PIWIL3: variants seen among roughly 807,000 people sequenced by gnomAD.
The protein encoded by PIWIL3 is piwi like RNA-mediated gene silencing 3, also known as piwi-like protein 3.
A neutral mutation model predicts 109.7 loss-of-function variants in PIWIL3; 101 were observed. The observed-to-expected ratio is 0.92, with a 90% confidence interval of 0.78 to 1.09. PIWIL3 has a LOEUF of 1.09. PIWIL3 is among the 50% of genes least tolerant of loss of function. PIWIL3 has a pLI of 0.00. For synonymous variants in PIWIL3, 373 were observed against 376.4 expected, an observed-to-expected ratio of 0.99 and a Z score of 0.10; for missense variants, 1,031 against 1,072.6, an observed-to-expected ratio of 0.96 and a Z score of 0.54.
At chr22:24,752,404 T>A (rs562858525) in intron 8 of PIWIL3, among the ~76,000 whole-genome samples, 12 of 152,268 alleles carry the variant, frequency 7.9e-5, no homozygotes, top group African/African-American at 2.9e-4. Flanking sequence ...CACATCTGCA[T>A]AATGAAAGAT....
intron 12 of PIWIL3, among the ~76,000 whole-genome samples, chr22:24,742,151 C>CAAAA (rs61071998): frequency 0.015 from 1,451 of 94,472 alleles, 20 homozygotes; most frequent in African/African-American, 0.025. Flanking sequence ...ACAATAGCTG[C>CAAAA]AAAAAAAAAA....
chr22:24,719,834 TATA>T lies in PIWIL3; in HGVS notation c.2416_2418del (p.Tyr806del). On this transcript the variant is annotated inframe_deletion, in exon 20 of 21. Coordinates refer to ENST00000616349, the MANE Select transcript of PIWIL3 (RefSeq NM_001255975.1). ...AAGCCAATCGTGTCATAGATGACGT[TATA>T]ATGAGTGGGGGTAACAGTCCCATCT... is the stretch of plus-strand genomic sequence containing the variant. 6.2e-7 allele frequency: 1 copy of T among 1,611,228 alleles called. No individual in the cohort carries two copies. Among genetic ancestry groups the T allele is most frequent in the Non-Finnish European group, 8.5e-7 (1 of 1,177,350 alleles).
chr22:24,762,324 A>C (rs1925484848), intron 2 of PIWIL3, 74 bp downstream of exon 2: 10 of 1,531,860 alleles, frequency 6.5e-6, no homozygotes, highest in Non-Finnish European at 8.8e-6. Flanking sequence ...AGCTTCGCTC[A>C]ACAACCAACT....
chr22:24,748,497 C>T (rs997312129), intron 12 of PIWIL3, among the ~76,000 whole-genome samples: 3 of 152,188 alleles, frequency 2.0e-5, no homozygotes, highest in Non-Finnish European at 2.9e-5. Context: ...TGTGATTATG[C>T]ACTGCATGCC....
At chr22:24,758,239 T>C (rs1272879755) in intron 3 of PIWIL3, among the ~76,000 whole-genome samples, 200 bp from the exon 4 acceptor site, 1 of 152,214 alleles carries the variant, frequency 6.6e-6, no homozygotes, top group Non-Finnish European at 1.5e-5. Flanking sequence ...ACATCCGTGG[T>C]TGCCTTGGCA....
In PIWIL3 at chr22:24,728,340, C is replaced by T. The variant is rs556427337; in HGVS notation, c.1742G>A (p.Arg581Lys). 70 of 1,614,124 alleles carry T rather than the reference C, an allele frequency of 4.3e-5. No individual in the cohort carries two copies. The highest frequency in any genetic ancestry group is 4.2e-5 in the Non-Finnish European group (50 of 1,180,030). The change falls in exon 15 of 21, where the codon AGA becomes AAA. Residue 581 changes from arginine (R) to lysine (K), a missense_variant. Arg to Lys is a conservative substitution (Grantham distance 26). Transcript: ENST00000616349. ...ICILPNDDKR[R>K]YDSIKRYLCT... ...TAGGTATCTTTTTATGCTGTCATAT[C>T]TACGTTTGTCATCATTGGGCAGGAT...
rs1923514400 is a variant in PIWIL3, at chr22:24,734,134, T to G, written c.1657A>C (p.Asn553His). The change falls in exon 14 of 21, where the codon AAC (asparagine) becomes CAC (histidine). Residue 553 changes from asparagine to histidine, a missense_variant. Asn to His is a moderately conservative substitution (Grantham distance 68). Coordinates refer to ENST00000616349, the MANE Select transcript of PIWIL3 (RefSeq NM_001255975.1). Reference sequence around the variant, plus strand: ...TTCCGTAATGTGTCTATATAGGAGTTAGCATCACCATCTACTTCAATCCTA... The same window carrying G: ...TTCCGTAATGTGTCTATATAGGAGTGAGCATCACCATCTACTTCAATCCTA... ...AEMIEVDGDA[N>H]SYIDTLRKYT... The G allele has an allele frequency of 6.2e-7, 1 of 1,612,696 alleles. No homozygotes were observed. The highest frequency in any genetic ancestry group is 1.3e-5 in the African/African-American group (1 of 74,898).
intron 16 of PIWIL3, 92 bp from the exon 17 acceptor site, chr22:24,725,607 A>G (rs1022375121): frequency 2.6e-5 from 32 of 1,217,238 alleles, no homozygotes; most frequent in Non-Finnish European, 3.7e-5. Flanking sequence ...TATTACTATC[A>G]GTAGTTAAGG....
rs367969762 is a variant in PIWIL3 at position 24,728,325 on chromosome 22, T to C, written c.1757A>G (p.Lys586Arg). 9 of 1,614,080 alleles carry C rather than the reference T, an allele frequency of 5.6e-6. No individual in the cohort carries two copies. In the African/African-American group the frequency reaches 1.2e-4, roughly 22 times the overall value. ...TGGGCATTTGGTACATAGGTATCTT[T>C]TTATGCTGTCATATCTACGTTTGTC... is the stretch of plus-strand genomic sequence containing the variant. ...NDDKRRYDSI[K>R]RYLCTKCPIP... is the part of the protein sequence containing the mutation. The change falls in exon 15 of 21, where the codon AAA becomes AGA. Residue 586 changes from lysine to arginine, a missense_variant. Lys to Arg is a conservative substitution (Grantham distance 26, BLOSUM62 2). Coordinates refer to ENST00000616349, the MANE Select transcript of PIWIL3 (RefSeq NM_001255975.1).
intron 12 of PIWIL3, among the ~76,000 whole-genome samples, chr22:24,736,200 C>T (rs897011749): frequency 2.0e-5 from 3 of 152,176 alleles, no homozygotes; most frequent in African/African-American, 7.2e-5. Flanking sequence ...CAATCAGAAA[C>T]TTCCAACTAC....
In PIWIL3 at chr22:24,725,499, C is replaced by T. The variant is rs1314795016; in HGVS notation, c.2026G>A (p.Val676Ile). The T allele has an allele frequency of 6.2e-7, 1 of 1,614,088 alleles. No individual in the cohort carries two copies. Among genetic ancestry groups the T allele is most frequent in the Admixed American group, 1.7e-5 (1 of 60,030 alleles). ...AELTKWYSQC[V>I]IQKTGEELVK... ...AGCTCTTCTCCTGTTTTCTGGATGA[C>T]ACATTGAGAGTACCACCTGTTCACA... is the stretch of plus-strand genomic sequence containing the variant. Residue 676 changes from valine (V) to isoleucine (I), a missense_variant, in exon 17 of 21, where the codon GTC (valine) becomes ATC (isoleucine). Transcript: ENST00000616349.
In PIWIL3 at chr22:24,732,353, A is replaced by C. The variant is rs143676571; in HGVS notation, c.1707+1731T>G. 3.5e-3 allele frequency among the ~76,000 whole-genome samples: 539 copies of C among 152,276 alleles called. 3 individuals carry two copies. The highest frequency in any genetic ancestry group is 0.012 in the African/African-American group (507 of 41,550). ...TTTCCATCCATTTGGGGTACATAAG[A>C]TTGTGGACACGCTTCCCCCATGCCA... On this transcript the variant is annotated intron_variant, in intron 14 of 20. Coordinates refer to ENST00000616349, the MANE Select transcript of PIWIL3 (RefSeq NM_001255975.1).
chr22:24,723,111 A>G lies in PIWIL3; in HGVS notation c.2357+19T>C. 1.2e-6 allele frequency: 2 copies of G among 1,609,750 alleles called. No homozygotes were observed. The highest frequency in any genetic ancestry group is 1.3e-5 in the African/African-American group (1 of 74,874). On this transcript the variant is annotated intron_variant, in intron 19 of 20. Coordinates refer to ENST00000616349, the MANE Select transcript of PIWIL3 (RefSeq NM_001255975.1). ...TGAGAAAATCATAGAACCATGTGCA[A>G]AAAATACAGGTGGCTTACCATTCAT...
chr22:24,726,360 G>C (rs935968942), intron 16 of PIWIL3, among the ~76,000 whole-genome samples: 2 of 151,078 alleles, frequency 1.3e-5, no homozygotes, highest in Admixed American at 6.6e-5. Context: ...TTGGCTCACT[G>C]CAAGCTCCAC....
chr22:24,753,364 G>A (rs966938353), intron 8 of PIWIL3, among the ~76,000 whole-genome samples: 4 of 152,184 alleles, frequency 2.6e-5, no homozygotes, highest in African/African-American at 7.2e-5. Flanking sequence ...ATGTTCAGTT[G>A]TCCCAGCAAC....
chr22:24,749,839 C>T lies in PIWIL3; in HGVS notation c.1090-20G>A. The T allele has an allele frequency of 6.2e-7, 1 of 1,613,644 alleles. No homozygotes were observed. Among genetic ancestry groups the T allele is most frequent in the Non-Finnish European group, 8.5e-7 (1 of 1,179,778 alleles). On this transcript the variant is annotated intron_variant, in intron 9 of 20. Coordinates refer to ENST00000616349, the MANE Select transcript of PIWIL3 (RefSeq NM_001255975.1). ...ATGTTGCTGCTCAACAAACAAGAGA[C>T]CAGCATGACCATCAGTGAAACCTTA... is the stretch of plus-strand genomic sequence containing the variant.
intron 3 of PIWIL3, among the ~76,000 whole-genome samples, chr22:24,758,940 C>A (rs1925252589): frequency 6.6e-6 from 1 of 152,204 alleles, no homozygotes. Flanking sequence ...GTCACCCAGG[C>A]TGCAGTGCAG....
chr22:24,745,404 C>G (rs1306131363), intron 12 of PIWIL3, among the ~76,000 whole-genome samples: 1 of 152,046 alleles, frequency 6.6e-6, no homozygotes, highest in East Asian at 1.9e-4. Flanking sequence ...CAAGACCAAC[C>G]TGGCCAAGAT....
In PIWIL3 at chr22:24,757,925, AC is replaced by A. The variant is rs1347199629; in HGVS notation, c.337del (p.Val113LeufsTer22). On this transcript the variant is annotated frameshift_variant, in exon 4 of 21. Coordinates refer to ENST00000616349, the MANE Select transcript of PIWIL3 (RefSeq NM_001255975.1). LOFTEE classifies it high-confidence loss of function. ...VVNTRQDMKH[V>X]KDSKTGSEGT... ...CAACATACCTGTTTTTGAGTCTTTA[AC>A]ATGCTTCATATCTTGCCTGGTGTTC... The A allele has an allele frequency of 6.2e-7, 1 of 1,611,088 alleles. No homozygotes were observed. Among genetic ancestry groups the A allele is most frequent in the South Asian group, 1.1e-5 (1 of 90,368 alleles).
Sources: gnomAD v4.1 joint callset for allele counts (sites outside exome capture counted in the v4.1 genomes callset) on GRCh38, gnomAD v4.1.1 for gene constraint, MANE v1.5 for transcripts, NCBI Gene and HGNC (gene_info 2026-07-23, HGNC 2026-07-21) for gene names.